Variants in AGBL4 observed in about 807,000 individuals in gnomAD.
AGBL4 encodes the protein cytosolic carboxypeptidase 6.
Under a neutral mutation model 66.4 loss-of-function variants are expected in AGBL4, and 58 were observed. The ratio of observed to expected loss-of-function variants is 0.87; its 90% CI spans 0.71 to 1.09. The LOEUF is 1.09. AGBL4 is among the 50% of genes least tolerant of loss of function. The probability of loss-of-function intolerance (pLI) is 0.00; values close to 1 mark genes in which losing one functional copy is unlikely to be tolerated. For synonymous variants in AGBL4, 234 were observed against 222.9 expected (o/e 1.05, Z -0.44); for missense variants, 579 against 631.0 (o/e 0.92, Z 0.88).
At chr1:49,259,975 A>G (rs1280259230) in intron 3 of AGBL4, among the ~76,000 whole-genome samples, 1 of 152,116 alleles carries the variant, frequency 6.6e-6, no homozygotes, top group East Asian at 1.9e-4. Context: ...CCACAGTGCA[A>G]TCAAACTAGA....
At chr1:49,495,001 T>C (rs1343612271) in intron 3 of AGBL4, among the ~76,000 whole-genome samples, 1 of 152,102 alleles carries the variant, frequency 6.6e-6, no homozygotes. Flanking sequence ...TGAATTGTCT[T>C]ATTAAAATAT....
intron 6 of AGBL4, among the ~76,000 whole-genome samples, chr1:48,685,844 A>G (rs1646522725): frequency 6.6e-6 from 1 of 152,198 alleles, no homozygotes; most frequent in Non-Finnish European, 1.5e-5. Flanking sequence ...TCTCTTGATC[A>G]CCAGCCTTAA....
intron 8 of AGBL4, among the ~76,000 whole-genome samples, chr1:48,635,886 A>G (rs1645660697): frequency 6.6e-6 from 1 of 152,220 alleles, no homozygotes; most frequent in African/African-American, 2.4e-5. Flanking sequence ...GAACTTGCAA[A>G]GGAGTCCCTT....
chr1:48,728,939 C>T (rs371581206), intron 6 of AGBL4, among the ~76,000 whole-genome samples: 22 of 152,162 alleles, frequency 1.4e-4, no homozygotes, highest in East Asian at 7.7e-4. Context: ...AGGCTCAGTA[C>T]GGCCACTCTC....
chr1:48,630,673 G>A (rs1171753753), intron 9 of AGBL4, among the ~76,000 whole-genome samples: 1 of 152,160 alleles, frequency 6.6e-6, no homozygotes, highest in Non-Finnish European at 1.5e-5. Flanking sequence ...AGGCACCAGA[G>A]GGGTCTCTCT....
At chr1:49,644,314 A>T (rs920692640) in intron 3 of AGBL4, among the ~76,000 whole-genome samples, 2 of 151,586 alleles carry the variant, frequency 1.3e-5, no homozygotes, top group Admixed American at 6.6e-5. Context: ...AAATAATTAT[A>T]AAAAAATGCA....
chr1:48,681,820 G>C (rs907888366), intron 6 of AGBL4, among the ~76,000 whole-genome samples: 1 of 152,174 alleles, frequency 6.6e-6, no homozygotes, highest in African/African-American at 2.4e-5. Context: ...GTGGGGGAGG[G>C]CCTGGCAGTC....
chr1:49,996,910 C>T (rs1326238129), intron 1 of AGBL4, among the ~76,000 whole-genome samples: 15 of 152,090 alleles, frequency 9.9e-5, no homozygotes, highest in Non-Finnish European at 1.5e-5. Context: ...TATCTTTAGC[C>T]TCCTTGGGAA....
At chr1:48,778,194 T>C (rs1349698106) in intron 6 of AGBL4, among the ~76,000 whole-genome samples, 1 of 151,916 alleles carries the variant, frequency 6.6e-6, no homozygotes, top group African/African-American at 2.4e-5. Context: ...CATCCATCCA[T>C]CTGTTCATTC....
intron 5 of AGBL4, among the ~76,000 whole-genome samples, chr1:48,954,142 T>A (rs1426987827): frequency 1.3e-5 from 2 of 152,196 alleles, no homozygotes; most frequent in African/African-American, 4.8e-5. Context: ...TTCAATTCCC[T>A]CTTCTTGCCA....
At chr1:48,989,587 T>G (rs150835218) in intron 5 of AGBL4, among the ~76,000 whole-genome samples, 10 of 152,266 alleles carry the variant, frequency 6.6e-5, no homozygotes, top group Middle Eastern at 3.4e-3. Flanking sequence ...GTTCAATTGT[T>G]TTAATTTTTA....
chr1:48,968,163 A>G (rs1658602912), intron 5 of AGBL4, among the ~76,000 whole-genome samples: 1 of 152,130 alleles, frequency 6.6e-6, no homozygotes, highest in South Asian at 2.1e-4. Flanking sequence ...AACTATCCCT[A>G]GGAATTAGGG....
chr1:49,150,497 A>G (rs1035311169), intron 4 of AGBL4, among the ~76,000 whole-genome samples: 1 of 152,158 alleles, frequency 6.6e-6, no homozygotes, highest in Admixed American at 6.5e-5. Context: ...TTAAGAGGAG[A>G]AATCTGAGGG....
chr1:48,921,449 A>C (rs1050111716), intron 5 of AGBL4, among the ~76,000 whole-genome samples: 3 of 152,166 alleles, frequency 2.0e-5, no homozygotes, highest in Non-Finnish European at 2.9e-5. Flanking sequence ...GGTAATAGAA[A>C]AGTGTTTTAA....
At chr1:49,640,241 G>T (rs969378305) in intron 3 of AGBL4, among the ~76,000 whole-genome samples, 4 of 152,126 alleles carry the variant, frequency 2.6e-5, no homozygotes, top group Admixed American at 2.6e-4. Context: ...TAAGATTCAG[G>T]TGTTATACTT....
intron 11 of AGBL4, chr1:48,583,802 A>G (rs143904949): frequency 8.6e-5 from 13 of 152,002 alleles, no homozygotes; most frequent in African/African-American, 3.1e-4. Flanking sequence ...CCAGCAGCCA[A>G]CAAAGATCAC....
chr1:48,820,902 A>G (rs180889790), intron 6 of AGBL4, among the ~76,000 whole-genome samples: 17 of 152,328 alleles, frequency 1.1e-4, no homozygotes, highest in Admixed American at 1.0e-3. Context: ...ACAATTCAAC[A>G]AGAAAAAAAA....
chr1:50,022,614 C>CCACACACACACA (rs10588611), intron 1 of AGBL4, among the ~76,000 whole-genome samples: 12 of 141,204 alleles, frequency 8.5e-5, no homozygotes, highest in African/African-American at 3.2e-4. Flanking sequence ...TGTACCATAA[C>CCACACACACACA]CACACACACA....
chr1:49,225,315 G>A (rs1483857800), intron 4 of AGBL4, among the ~76,000 whole-genome samples: 1 of 152,170 alleles, frequency 6.6e-6, no homozygotes, highest in Non-Finnish European at 1.5e-5. Flanking sequence ...AATTGATAGT[G>A]AAGAAATAGA....
Sources: allele counts gnomAD v4.1 joint callset (sites outside exome capture counted in the v4.1 genomes callset), GRCh38; gene constraint gnomAD v4.1.1; transcripts MANE v1.5; gene names NCBI Gene and HGNC (gene_info 2026-07-23, HGNC 2026-07-21).